The following COL25A1 variants were observed in gnomAD, a reference collection of about 807,000 sequenced individuals.
COL25A1 encodes collagen alpha-1(XXV) chain.
Under a neutral mutation model 128.4 loss-of-function variants are expected in COL25A1, and 103 were observed. The observed-to-expected ratio is 0.80, with a 90% confidence interval of 0.68 to 0.94. The LOEUF (loss-of-function observed/expected upper bound fraction) is 0.94, where lower values mean the gene tolerates loss of function less well. COL25A1 is among the 40% of genes least tolerant of loss of function. The probability of loss-of-function intolerance (pLI) is 0.00; values close to 1 mark genes in which losing one functional copy is unlikely to be tolerated. For synonymous variants in COL25A1, 279 were observed against 277.2 expected (o/e 1.01, Z -0.06); for missense variants, 745 against 840.0 (o/e 0.89, Z 1.40).
chr4:109,198,543 AG>A (rs1253376931), intron 3 of COL25A1, among the ~76,000 whole-genome samples: 2 of 152,184 alleles, frequency 1.3e-5, no homozygotes, highest in African/African-American at 4.8e-5. Context: ...CAAATCCTAG[AG>A]AAAGCCTCTT....
intron 5 of COL25A1, chr4:109,022,328 T>C (rs765439334): frequency 6.0e-6 from 2 of 331,396 alleles, no homozygotes; most frequent in Non-Finnish European, 1.2e-5. Flanking sequence ...ATCCATGATA[T>C]CAACCATCTT....
At chr4:108,834,276 A>G (rs1238501830) in intron 31 of COL25A1, 1 of 1,377,656 alleles carries the variant, frequency 7.3e-7, no homozygotes, top group African/African-American at 1.4e-5. Context: ...ATGAGAGGAC[A>G]TGGAGCAAAG....
intron 6 of COL25A1, among the ~76,000 whole-genome samples, chr4:108,989,341 A>G (rs13434848): frequency 0.8 from 121,076 of 152,206 alleles, 49,328 homozygotes; most frequent in East Asian, 1. Context: ...TGTTTCCTTC[A>G]CAAATGAAAA....
At chr4:109,169,220 T>G (rs772418138) in intron 3 of COL25A1, among the ~76,000 whole-genome samples, 18 of 152,192 alleles carry the variant, frequency 1.2e-4, no homozygotes, top group Non-Finnish European at 2.2e-4. Context: ...ATGTGCTCCT[T>G]GCTAAATCCT....
chr4:109,290,785 T>C (rs141181840), intron 3 of COL25A1, among the ~76,000 whole-genome samples: 74 of 152,216 alleles, frequency 4.9e-4, no homozygotes, highest in African/African-American at 1.8e-3. Flanking sequence ...AAAAGACTCA[T>C]AATGTTTTAA....
At position 109,204,726 on chromosome 4, in the gene COL25A1, AT is replaced by A. The variant is rs773356025; in HGVS notation, c.367+95856del. On this transcript the variant is annotated intron_variant, in intron 3 of 37. Transcript: ENST00000399132. ...TATTGTCTATCCTGCAAACGAAAACATTTTTTAAGGTATTTGAAAGAAATTT... is the reference window on the plus strand; with the variant it reads ...TATTGTCTATCCTGCAAACGAAAACATTTTTAAGGTATTTGAAAGAAATTT... 1.0e-3 allele frequency among the ~76,000 whole-genome samples: 156 copies of A among 152,302 alleles called. No homozygotes were observed. In the Middle Eastern group the frequency reaches 0.014, roughly 13 times the overall value.
chr4:108,845,864 T>G (rs1480698601), intron 28 of COL25A1, among the ~76,000 whole-genome samples: 1 of 152,192 alleles, frequency 6.6e-6, no homozygotes, highest in Non-Finnish European at 1.5e-5. Flanking sequence ...GCATACTAAA[T>G]TAAAGTGGCC....
At chr4:109,000,640 G>C (rs1420821498) in intron 6 of COL25A1, among the ~76,000 whole-genome samples, 2 of 149,346 alleles carry the variant, frequency 1.3e-5, no homozygotes, top group Admixed American at 1.4e-4. Context: ...CAGCTACTCA[G>C]GAGGCTGAGG....
At position 109,147,834 on chromosome 4, in the gene COL25A1, AG is replaced by A. The variant is rs1425106592; in HGVS notation, c.368-97656del. 3.3e-4 allele frequency among the ~76,000 whole-genome samples: 49 copies of A among 148,638 alleles called. No homozygotes were observed. In the Middle Eastern group the frequency reaches 0.017, roughly 53 times the overall value. The stretch of plus-strand genomic sequence containing the variant: ...TCTGTCTCAAAAAAAAAAAAAAAAA[AG>A]TACTGGAGTATTTCTATTTACATAT... On this transcript the variant is annotated intron_variant, in intron 3 of 37. Transcript: ENST00000399132.
At chr4:109,209,049 T>C (rs1196311134) in intron 3 of COL25A1, among the ~76,000 whole-genome samples, 2 of 152,198 alleles carry the variant, frequency 1.3e-5, no homozygotes, top group African/African-American at 4.8e-5. Flanking sequence ...CAAAGAATGT[T>C]ATGTAGGGGC....
chr4:109,279,857 T>C (rs529605281), intron 3 of COL25A1, among the ~76,000 whole-genome samples: 75 of 152,270 alleles, frequency 4.9e-4, no homozygotes, highest in Middle Eastern at 3.4e-3. Flanking sequence ...TATCTTACAT[T>C]TGTTTTCTGT....
intron 3 of COL25A1, among the ~76,000 whole-genome samples, chr4:109,060,517 T>C (rs72883447): frequency 0.054 from 8,211 of 152,154 alleles, 517 homozygotes; most frequent in African/African-American, 0.15. Flanking sequence ...GTGAACATGT[T>C]AGCAGTTGGT....
At chr4:108,972,324 TAAATA>T (rs1751999202) in intron 8 of COL25A1, among the ~76,000 whole-genome samples, 1 of 152,230 alleles carries the variant, frequency 6.6e-6, no homozygotes, top group South Asian at 2.1e-4. Context: ...ATACCGTGCC[TAAATA>T]GAGAATGTGG....
chr4:109,129,560 G>A lies in COL25A1; in HGVS notation c.368-79381C>T, dbSNP rs75169579. 1.4e-3 allele frequency among the ~76,000 whole-genome samples: 220 copies of A among 152,174 alleles called. 1 individual carries two copies. The East Asian group carries it at 0.034, about 23-fold the overall frequency. ...AATAAAAATACTCGAAAGAGATACC[G>A]CAAAAATGTTTAGAGTGGACAATTT... On this transcript the variant is annotated intron_variant, in intron 3 of 37. Coordinates refer to ENST00000399132, the MANE Select transcript of COL25A1 (RefSeq NM_198721.4).
At chr4:109,028,724 C>CA (rs200207141) in intron 5 of COL25A1, among the ~76,000 whole-genome samples, 1,487 of 147,316 alleles carry the variant, frequency 0.01, 26 homozygotes, top group African/African-American at 0.035. Flanking sequence ...GACTCCATCT[C>CA]AAAAAAAAGA....
chr4:108,920,684 C>A, intron 11 of COL25A1, 80 bp from the exon 12 acceptor site: 3 of 956,764 alleles, frequency 3.1e-6, no homozygotes, highest in South Asian at 3.7e-5. Context: ...GTCCTATTCT[C>A]TAAGATTCTC....
intron 5 of COL25A1, among the ~76,000 whole-genome samples, chr4:109,015,867 T>C (rs1757161238): frequency 6.6e-6 from 1 of 152,232 alleles, no homozygotes; most frequent in African/African-American, 2.4e-5. Context: ...TTAACTATTC[T>C]TTGTTGGACT....
At chr4:109,214,638 T>C (rs556728979) in intron 3 of COL25A1, among the ~76,000 whole-genome samples, 6 of 152,066 alleles carry the variant, frequency 3.9e-5, no homozygotes, top group Middle Eastern at 3.4e-3. Flanking sequence ...TAAAACAAGT[T>C]ACGTGTTGGA....
chr4:108,941,259 C>T, intron 9 of COL25A1, 107 bp downstream of exon 9: 1 of 737,600 alleles, frequency 1.4e-6, no homozygotes, highest in Non-Finnish European at 2.2e-6. Context: ...TAAATGCCCA[C>T]ATACCACCCA....
Sources: gnomAD v4.1 joint callset for allele counts (sites outside exome capture counted in the v4.1 genomes callset) on GRCh38, gnomAD v4.1.1 for gene constraint, MANE v1.5 for transcripts, NCBI Gene and HGNC (gene_info 2026-07-23, HGNC 2026-07-21) for gene names.